The following LRP1B variants were observed in gnomAD, a reference collection of about 807,000 sequenced individuals.
LRP1B encodes the protein LDL receptor related protein 1B, also known as low-density lipoprotein receptor-related protein 1B.
Under a neutral mutation model 556.6 loss-of-function variants are expected in LRP1B, and 217 were observed. The ratio of observed to expected loss-of-function variants is 0.39; its 90% CI spans 0.35 to 0.44. The LOEUF is 0.44. LRP1B is among the 20% of genes least tolerant of loss of function. The probability of loss-of-function intolerance (pLI) is 1.00; values close to 1 mark genes in which losing one functional copy is unlikely to be tolerated. For missense variants in LRP1B, 5,053 were observed against 5,620.8 expected, an observed-to-expected ratio of 0.90 and a Z score of 3.23; for synonymous variants, 2,047 against 1,865.8, an observed-to-expected ratio of 1.10 and a Z score of -2.50.
chr2:141,229,332 T>C lies in LRP1B; in HGVS notation c.701A>G (p.Glu234Gly), dbSNP rs142683349. Reference protein sequence around the residue: ...MATLSSVNGNEIHTLDFIYNE... With the variant: ...MATLSSVNGNGIHTLDFIYNE... Reference sequence around the variant, plus strand: ...ATAAATAAAATCCAGAGTATGAATTTCATTTCCATTGACTGAGCTTAGAGT... The same window carrying C: ...ATAAATAAAATCCAGAGTATGAATTCCATTTCCATTGACTGAGCTTAGAGT... The change falls in exon 6 of 91, where the codon GAA becomes GGA. Residue 234 changes from glutamate (E) to glycine (G), a missense_variant. Glu to Gly is a moderately conservative substitution (Grantham distance 98). Around this residue, in one of 5 missense-constraint regions of LRP1B, gnomAD observed 3,619 missense variants for 3,931.9 expected, o/e 0.92. Transcript: ENST00000389484. 3.3e-4 allele frequency: 530 copies of C among 1,612,868 alleles called. 1 individual carries two copies. The African/African-American group carries it at 6.2e-3, about 19-fold the overall frequency.
chr2:140,906,254 C>T (rs1255295621), intron 22 of LRP1B, among the ~76,000 whole-genome samples: 2 of 152,074 alleles, frequency 1.3e-5, no homozygotes, highest in African/African-American at 4.8e-5. Context: ...TTGGGCAAAG[C>T]TCTTTAAGTA....
chr2:140,747,623 A>G (rs935271484), intron 35 of LRP1B, among the ~76,000 whole-genome samples: 5 of 152,150 alleles, frequency 3.3e-5, no homozygotes, highest in Admixed American at 2.0e-4. Flanking sequence ...CGGTGTAGTC[A>G]TTTTTGGAAA....
Position 141,326,379 on chromosome 2 carries a change from A to T in LRP1B, c.344-71738T>A, listed in dbSNP as rs765108768. Among the ~76,000 whole-genome samples the T allele has an allele frequency of 2.3e-4, 35 of 152,170 alleles. 1 individual carries two copies. The highest frequency in any genetic ancestry group is 7.4e-5 in the Non-Finnish European group (5 of 68,020). ...ATAAGTTAACTCGATAAAGGAAAGG[A>T]CATTATAATCTAAAATAATATTATA... On this transcript the variant is annotated intron_variant, in intron 3 of 90. Coordinates refer to ENST00000389484, the MANE Select transcript of LRP1B (RefSeq NM_018557.3).
intron 3 of LRP1B, among the ~76,000 whole-genome samples, chr2:141,332,718 ATT>A (rs34784852): frequency 0.56 from 81,772 of 146,090 alleles, 23,779 homozygotes; most frequent in African/African-American, 0.7. Context: ...GTTTTGCCTT[ATT>A]TTTTTATATA....
rs70985089 is a variant in LRP1B at position 140,330,199 on chromosome 2, CAATAATAATAAT to C, written c.12223+4242_12223+4253del. Among the ~76,000 whole-genome samples the C allele has an allele frequency of 7.4e-3, 1,027 of 137,962 alleles. 7 individuals carry two copies. Among genetic ancestry groups the C allele is most frequent in the Non-Finnish European group, 8.6e-3 (560 of 64,744 alleles). 90.5% of individuals were successfully genotyped at this position (137,962 alleles called of 152,430 possible). ...TGGGCGACAGAGCAAGACTCTGTCT[CAATAATAATAAT>C]AATAATAATAATAATAATAATAATA... On this transcript the variant is annotated intron_variant, in intron 79 of 90. Coordinates refer to ENST00000389484, the MANE Select transcript of LRP1B (RefSeq NM_018557.3).
At chr2:142,088,517 C>A (rs1206832968) in intron 1 of LRP1B, among the ~76,000 whole-genome samples, 1 of 152,114 alleles carries the variant, frequency 6.6e-6, no homozygotes, top group Non-Finnish European at 1.5e-5. Flanking sequence ...TTAGACAATA[C>A]CTTAGCCATC....
intron 7 of LRP1B, among the ~76,000 whole-genome samples, chr2:141,116,945 A>G (rs902120967): frequency 3.9e-5 from 6 of 152,034 alleles, no homozygotes; most frequent in Non-Finnish European, 8.8e-5. Flanking sequence ...CACCCTGACC[A>G]CTTGTATAAC....
intron 72 of LRP1B, among the ~76,000 whole-genome samples, chr2:140,360,108 G>T (rs909866686): frequency 7.3e-5 from 11 of 151,568 alleles, no homozygotes; most frequent in Non-Finnish European, 1.0e-4. Context: ...AGAAAAATCA[G>T]TTTAACATAT....
At chr2:141,174,754 AG>A (rs1399297182) in intron 7 of LRP1B, among the ~76,000 whole-genome samples, 6 of 152,126 alleles carry the variant, frequency 3.9e-5, no homozygotes, top group African/African-American at 1.4e-4. Context: ...AAAATGTGAA[AG>A]CAACTTTGAA....
intron 2 of LRP1B, among the ~76,000 whole-genome samples, chr2:141,783,229 A>G (rs1196522819): frequency 6.6e-6 from 1 of 152,078 alleles, no homozygotes; most frequent in Non-Finnish European, 1.5e-5. Flanking sequence ...TTAGGTGCAC[A>G]AAGTATGAGT....
At chr2:140,370,120 T>C (rs1168554732) in intron 71 of LRP1B, among the ~76,000 whole-genome samples, 1 of 152,026 alleles carries the variant, frequency 6.6e-6, no homozygotes, top group African/African-American at 2.4e-5. Flanking sequence ...AATGTTGTTA[T>C]CTGTCAGAAA....
At chr2:141,316,663 C>T (rs964126876) in intron 3 of LRP1B, among the ~76,000 whole-genome samples, 3 of 152,070 alleles carry the variant, frequency 2.0e-5, no homozygotes, top group African/African-American at 7.2e-5. Flanking sequence ...TTGAAGGGTA[C>T]ATAAAGAAAG....
intron 18 of LRP1B, among the ~76,000 whole-genome samples, chr2:140,952,376 C>A (rs1695742350): frequency 6.6e-6 from 1 of 151,846 alleles, no homozygotes; most frequent in African/African-American, 2.4e-5. Context: ...TCAGATCTCA[C>A]TCTGCGTCTG....
chr2:140,900,842 GGAA>G (rs1694083619), intron 23 of LRP1B, among the ~76,000 whole-genome samples: 1 of 151,986 alleles, frequency 6.6e-6, no homozygotes, highest in South Asian at 2.1e-4. Flanking sequence ...AAGGATATTT[GGAA>G]GAAGATTTAA....
At chr2:142,049,525 G>A (rs1202111482) in intron 1 of LRP1B, among the ~76,000 whole-genome samples, 1 of 152,080 alleles carries the variant, frequency 6.6e-6, no homozygotes, top group African/African-American at 2.4e-5. Flanking sequence ...GAAAGTATGT[G>A]CCAATACTGC....
chr2:140,478,144 C>CTTTTTTT (rs35948232), intron 59 of LRP1B, among the ~76,000 whole-genome samples: 1 of 62,774 alleles, frequency 1.6e-5, no homozygotes, highest in African/African-American at 5.7e-5. Flanking sequence ...TATAACTTAA[C>CTTTTTTT]TTTTTTTTTT....
At chr2:141,426,306 C>T (rs1050014029) in intron 3 of LRP1B, among the ~76,000 whole-genome samples, 1 of 151,862 alleles carries the variant, frequency 6.6e-6, no homozygotes, top group Non-Finnish European at 1.5e-5. Flanking sequence ...CAGTACCATG[C>T]TGTTTTATTT....
chr2:141,088,994 T>C (rs964434373), intron 7 of LRP1B, among the ~76,000 whole-genome samples: 3 of 152,216 alleles, frequency 2.0e-5, no homozygotes, highest in Admixed American at 2.0e-4. Flanking sequence ...ATCAGTATTA[T>C]AAAGCTTTTT....
At chr2:140,246,557 A>G (rs1681173765) in intron 87 of LRP1B, among the ~76,000 whole-genome samples, 1 of 136,406 alleles carries the variant, frequency 7.3e-6, no homozygotes, top group African/African-American at 2.6e-5. Flanking sequence ...GTTGATCTAT[A>G]TTTTAATATA....
Sources: allele counts gnomAD v4.1 joint callset (sites outside exome capture counted in the v4.1 genomes callset), GRCh38; gene constraint gnomAD v4.1.1; regional missense constraint gnomAD v4.1.1; transcripts MANE v1.5; gene names NCBI Gene and HGNC (gene_info 2026-07-23, HGNC 2026-07-21).